Variants in ANKS1B observed in about 807,000 individuals in gnomAD.
ANKS1B encodes ankyrin repeat and sterile alpha motif domain containing 1B.
ANKS1B carries 36 observed loss-of-function variants against 148.3 expected under a neutral mutation model. The observed-to-expected ratio is 0.24, with a 90% CI of 0.19 to 0.32. ANKS1B has a LOEUF of 0.32. Among genes scored for constraint, ANKS1B ranks in the 10% least tolerant of loss-of-function variants. The pLI, the probability that ANKS1B is intolerant of heterozygous loss-of-function variation, is 1.00. For missense variants in ANKS1B, 1,157 were observed against 1,542.6 expected, an observed-to-expected ratio of 0.75 and a Z score of 4.19; for synonymous variants, 542 against 560.8, an observed-to-expected ratio of 0.97 and a Z score of 0.47.
At chr12:99,257,686 A>G (rs1180295215) in intron 12 of ANKS1B, among the ~76,000 whole-genome samples, 1 of 152,056 alleles carries the variant, frequency 6.6e-6, no homozygotes, top group Admixed American at 6.6e-5. Flanking sequence ...ATATCTACTT[A>G]TAGTGGTTTG....
intron 10 of ANKS1B, among the ~76,000 whole-genome samples, chr12:99,495,634 T>C (rs2096597025): frequency 6.6e-6 from 1 of 152,172 alleles, no homozygotes; most frequent in East Asian, 1.9e-4. Context: ...AGTAAATAAT[T>C]ACTGTTTGAT....
chr12:99,881,624 A>G lies in ANKS1B; in HGVS notation c.135-56235T>C, dbSNP rs1190667270. On this transcript the variant is annotated intron_variant, in intron 1 of 26. Coordinates refer to ENST00000683438, the MANE Select transcript of ANKS1B (RefSeq NM_001352186.2). ...AGAGATATGATCTTGAACACCTAAC[A>G]AAGACTTGAGAAATGAATTAAACTA... Among the ~76,000 whole-genome samples, 6 of 152,218 alleles carry G rather than the reference A, an allele frequency of 3.9e-5. No homozygotes were observed. The East Asian group carries it at 9.6e-4, about 24-fold the overall frequency.
At chr12:99,228,286 A>C (rs1769071571) in intron 14 of ANKS1B, among the ~76,000 whole-genome samples, 1 of 152,116 alleles carries the variant, frequency 6.6e-6, no homozygotes, top group Non-Finnish European at 1.5e-5. Context: ...TTGTTTCATA[A>C]GTTATTTACT....
intron 9 of ANKS1B, among the ~76,000 whole-genome samples, chr12:99,627,370 A>G (rs560962086): frequency 6.6e-6 from 1 of 152,320 alleles, no homozygotes; most frequent in African/African-American, 2.4e-5. Context: ...AATGTTTATT[A>G]TGTGCCAGGT....
intron 17 of ANKS1B, among the ~76,000 whole-genome samples, chr12:98,958,764 T>A (rs1360571080): frequency 1.3e-5 from 2 of 152,252 alleles, no homozygotes; most frequent in Non-Finnish European, 2.9e-5. Context: ...GTACAGCCAC[T>A]GCTTATGTGT....
At chr12:99,768,521 T>C (rs2062864069) in intron 8 of ANKS1B, among the ~76,000 whole-genome samples, 1 of 152,036 alleles carries the variant, frequency 6.6e-6, no homozygotes. Context: ...GATGTGCTAG[T>C]GTTCATATAA....
At chr12:99,473,506 A>T (rs2096273096) in intron 10 of ANKS1B, among the ~76,000 whole-genome samples, 1 of 152,040 alleles carries the variant, frequency 6.6e-6, no homozygotes, top group Non-Finnish European at 1.5e-5. Context: ...TCAAACTTTT[A>T]AAAATATTGA....
chr12:98,760,069 A>C (rs1592922329), intron 25 of ANKS1B, among the ~76,000 whole-genome samples: 1 of 152,384 alleles, frequency 6.6e-6, no homozygotes, highest in Non-Finnish European at 1.5e-5. Context: ...TAGGATCTGT[A>C]TATATGCATA....
At chr12:99,540,610 C>G (rs934530632) in intron 9 of ANKS1B, among the ~76,000 whole-genome samples, 2 of 151,908 alleles carry the variant, frequency 1.3e-5, no homozygotes, top group African/African-American at 4.8e-5. Context: ...AAAATAATTT[C>G]AAATGAATGA....
intron 12 of ANKS1B, among the ~76,000 whole-genome samples, chr12:99,337,905 T>C (rs1332633362): frequency 6.6e-6 from 1 of 152,202 alleles, no homozygotes; most frequent in Non-Finnish European, 1.5e-5. Context: ...TGCCTGGAGA[T>C]AGGGAAGCAC....
intron 1 of ANKS1B, among the ~76,000 whole-genome samples, chr12:99,967,684 G>A (rs530824182): frequency 3.3e-5 from 5 of 152,102 alleles, no homozygotes; most frequent in Non-Finnish European, 5.9e-5. Context: ...TGAGGCGGGC[G>A]GATCACAAGA....
chr12:99,254,719 T>C (rs996978176), intron 12 of ANKS1B, among the ~76,000 whole-genome samples: 1 of 152,226 alleles, frequency 6.6e-6, no homozygotes, highest in African/African-American at 2.4e-5. Context: ...ATTTTAATTG[T>C]GACTAGATAT....
At chr12:99,280,330 ATGTCTTCTCCT>A (rs1443229313) in intron 12 of ANKS1B, among the ~76,000 whole-genome samples, 1 of 152,162 alleles carries the variant, frequency 6.6e-6, no homozygotes, top group Non-Finnish European at 1.5e-5. Flanking sequence ...CTCACCATAA[ATGTCTTCTCCT>A]TGTCTTGCTG....
At chr12:99,264,317 CCT>C (rs888758049) in intron 12 of ANKS1B, among the ~76,000 whole-genome samples, 3 of 151,938 alleles carry the variant, frequency 2.0e-5, no homozygotes, top group African/African-American at 7.3e-5. Flanking sequence ...GGATCTTTCC[CCT>C]GTGTTTTATC....
chr12:99,188,340 CAGACCTAAT>C lies in ANKS1B; in HGVS notation c.2420-33954_2420-33946del, dbSNP rs374552030. ...GACTTGCACTCAGCTGTAGAACAAGCAGACCTAATAGACATCTACAAAACTGTCCATCCC... is the reference window on the plus strand; with the variant it reads ...GACTTGCACTCAGCTGTAGAACAAGCAGACATCTACAAAACTGTCCATCCC... On this transcript the variant is annotated intron_variant, in intron 14 of 26. Coordinates refer to ENST00000683438, the MANE Select transcript of ANKS1B (RefSeq NM_001352186.2). 4.0e-3 allele frequency among the ~76,000 whole-genome samples: 616 copies of C among 152,292 alleles called. 8 individuals carry two copies. The highest frequency in any genetic ancestry group is 0.014 in the African/African-American group (600 of 41,560).
chr12:99,671,561 G>A (rs1210562269), intron 8 of ANKS1B, among the ~76,000 whole-genome samples: 2 of 151,788 alleles, frequency 1.3e-5, no homozygotes, highest in Non-Finnish European at 2.9e-5. Context: ...CATTTTCTGG[G>A]AAAGCAGTTG....
intron 9 of ANKS1B, among the ~76,000 whole-genome samples, chr12:99,540,150 T>C (rs1277542943): frequency 6.6e-6 from 1 of 151,918 alleles, no homozygotes; most frequent in Non-Finnish European, 1.5e-5. Flanking sequence ...AAATAGGGCC[T>C]CCAAAACATG....
intron 10 of ANKS1B, among the ~76,000 whole-genome samples, chr12:99,460,635 C>G (rs995118699): frequency 1.3e-5 from 2 of 151,334 alleles, no homozygotes; most frequent in African/African-American, 4.9e-5. Flanking sequence ...GGCCAACAAA[C>G]ATATAAAAAA....
chr12:99,378,801 A>G (rs1381168716), intron 12 of ANKS1B, among the ~76,000 whole-genome samples: 1 of 152,226 alleles, frequency 6.6e-6, no homozygotes, highest in Admixed American at 6.5e-5. Flanking sequence ...ACAATAAAGA[A>G]AAGATTACTC....
Sources: gnomAD v4.1 joint callset for allele counts (sites outside exome capture counted in the v4.1 genomes callset) on GRCh38, gnomAD v4.1.1 for gene constraint, MANE v1.5 for transcripts, NCBI Gene and HGNC (gene_info 2026-07-23, HGNC 2026-07-21) for gene names.